The following PRKCI variants were observed in gnomAD, a reference collection of about 807,000 sequenced individuals.
The protein encoded by PRKCI is protein kinase C iota type.
In PRKCI, 43 loss-of-function variants were observed where a neutral mutation model predicts 84.0. That is an observed-to-expected ratio of 0.51 (90% CI 0.40 to 0.66). The LOEUF (loss-of-function observed/expected upper bound fraction) is 0.66. Ranked by LOEUF, PRKCI falls within the 30% of genes least tolerant of loss-of-function variation. The pLI is 0.00. For synonymous variants in PRKCI, 216 were observed against 234.4 expected (o/e 0.92, Z 0.72); for missense variants, 459 against 745.6 (o/e 0.62, Z 4.48).
intron 2 of PRKCI, among the ~76,000 whole-genome samples, chr3:170,242,902 G>A (rs140226107): frequency 6.6e-6 from 1 of 151,840 alleles, no homozygotes; most frequent in Non-Finnish European, 1.5e-5. Flanking sequence ...AACTCCAGAC[G>A]TCAGGTGATC....
At chr3:170,261,600 C>T (rs1254723138) in intron 3 of PRKCI, among the ~76,000 whole-genome samples, 2 of 152,104 alleles carry the variant, frequency 1.3e-5, no homozygotes, top group Admixed American at 1.3e-4. Flanking sequence ...TCTCATGCCT[C>T]AGCCTCCAAA....
intron 6 of PRKCI, among the ~76,000 whole-genome samples, chr3:170,270,961 G>C (rs1733987227): frequency 6.6e-6 from 1 of 152,050 alleles, no homozygotes; most frequent in African/African-American, 2.4e-5. Context: ...TATTTAAACT[G>C]TGAGATTACT....
intron 2 of PRKCI, among the ~76,000 whole-genome samples, chr3:170,254,594 GT>G (rs61434507): frequency 0.7 from 105,870 of 152,012 alleles, 38,082 homozygotes; most frequent in African/African-American, 0.88. Context: ...TTTCCCCAGT[GT>G]TATGTTCTTG....
At chr3:170,225,470 A>G (rs1732603939) in intron 1 of PRKCI, among the ~76,000 whole-genome samples, 1 of 152,230 alleles carries the variant, frequency 6.6e-6, no homozygotes, top group Non-Finnish European at 1.5e-5. Flanking sequence ...ATACCAAGAA[A>G]TGTGAGAACA....
Position 170,298,984 on chromosome 3 carries a change from T to C in PRKCI, c.1588-11T>C. On this transcript the variant is annotated splice_polypyrimidine_tract_variant and intron_variant, in intron 16 of 17. Transcript: ENST00000295797. Reference sequence around the variant, plus strand: ...TACAGACTTGAGCTGTCATCCAGTATGTCTTTTCAGATGGAGCAAAAACAG... The same window carrying C: ...TACAGACTTGAGCTGTCATCCAGTACGTCTTTTCAGATGGAGCAAAAACAG... The C allele has an allele frequency of 6.4e-7, 1 of 1,570,462 alleles. No homozygotes were observed. The highest frequency in any genetic ancestry group is 8.8e-7 in the Non-Finnish European group (1 of 1,141,850).
intron 1 of PRKCI, among the ~76,000 whole-genome samples, chr3:170,230,937 G>C: frequency 6.7e-6 from 1 of 149,714 alleles, no homozygotes; most frequent in South Asian, 2.1e-4. Context: ...GGAATGGCTT[G>C]ATTCATTATT....
At chr3:170,247,963 G>T (rs1436450033) in intron 2 of PRKCI, among the ~76,000 whole-genome samples, 2 of 152,102 alleles carry the variant, frequency 1.3e-5, no homozygotes, top group Non-Finnish European at 2.9e-5. Flanking sequence ...TTTACAGTAA[G>T]GGAGTACAGT....
At chr3:170,232,788 G>A (rs189899743) in intron 1 of PRKCI, among the ~76,000 whole-genome samples, 84 of 151,666 alleles carry the variant, frequency 5.5e-4, no homozygotes, top group African/African-American at 2.0e-3. Context: ...TGATCCTCCC[G>A]CCTCAGCATC....
intron 2 of PRKCI, among the ~76,000 whole-genome samples, chr3:170,254,187 A>G (rs1439246264): frequency 6.6e-6 from 1 of 151,078 alleles, no homozygotes; most frequent in Admixed American, 6.6e-5. Flanking sequence ...AGTTGTTTGA[A>G]CTCCTTGTCT....
rs371828176 is a variant in PRKCI at position 170,225,671 on chromosome 3, G to T, written c.101+2901G>T. On this transcript the variant is annotated intron_variant, in intron 1 of 17. Transcript: ENST00000295797. Reference sequence around the variant, plus strand: ...GATCCTCCTGCCTCAGCCTCTCAAAGTGCTGGGATTACAGGTGTGAGCCAC... The same window carrying T: ...GATCCTCCTGCCTCAGCCTCTCAAATTGCTGGGATTACAGGTGTGAGCCAC... 6.9e-4 allele frequency among the ~76,000 whole-genome samples: 105 copies of T among 151,246 alleles called. 1 individual carries two copies. In the East Asian group the frequency reaches 0.018, roughly 26 times the overall value.
intron 7 of PRKCI, among the ~76,000 whole-genome samples, chr3:170,273,669 G>C (rs1012103815): frequency 6.6e-6 from 1 of 151,430 alleles, no homozygotes; most frequent in Non-Finnish European, 1.5e-5. Flanking sequence ...ACAAAAATTA[G>C]CAGGGTGTGG....
chr3:170,284,740 G>A (rs1202944389), intron 12 of PRKCI, 144 bp downstream of exon 12: 3 of 1,054,976 alleles, frequency 2.8e-6, no homozygotes, highest in Non-Finnish European at 4.0e-6. Context: ...AAAGACAAAT[G>A]TACTTTTTTT....
intron 1 of PRKCI, among the ~76,000 whole-genome samples, chr3:170,231,421 G>A (rs781112136): frequency 4.6e-5 from 7 of 151,782 alleles, no homozygotes; most frequent in Non-Finnish European, 8.8e-5. Context: ...TCTGCAAGTA[G>A]CAATTTTGCC....
chr3:170,263,977 A>T (rs1481029521), intron 4 of PRKCI, among the ~76,000 whole-genome samples: 1 of 152,240 alleles, frequency 6.6e-6, no homozygotes, highest in African/African-American at 2.4e-5. Flanking sequence ...TATTAAGTTA[A>T]ATTTAAGTTT....
chr3:170,228,340 C>G (rs1479360689), intron 1 of PRKCI, among the ~76,000 whole-genome samples: 1 of 152,152 alleles, frequency 6.6e-6, no homozygotes. Context: ...TGGTTCATGC[C>G]TGTAATCCCA....
intron 1 of PRKCI, among the ~76,000 whole-genome samples, chr3:170,234,375 T>C (rs1427388875): frequency 1.3e-5 from 2 of 152,182 alleles, no homozygotes; most frequent in East Asian, 1.9e-4. Context: ...CTTAAAAGTA[T>C]TTGTATGTTC....
At position 170,273,313 on chromosome 3, in the gene PRKCI, T is replaced by C; in HGVS notation, c.619T>C (p.Ser207Pro). ...ACCAGTGATGCCCATGGATCAGTCA[T>C]CCATGCATTCTGACCATGCACAGAC... is the stretch of plus-strand genomic sequence containing the variant. ...QEPVMPMDQS[S>P]MHSDHAQTVI... Residue 207 changes from serine to proline, a missense_variant, in exon 7 of 18, where the codon TCC (serine) becomes CCC (proline). Around this residue, in one of 2 missense-constraint regions of PRKCI, gnomAD observed 250 missense variants for 319.7 expected, o/e 0.78. Transcript: ENST00000295797. 6.2e-7 allele frequency: 1 copy of C among 1,613,796 alleles called. No homozygotes were observed. Among genetic ancestry groups the C allele is most frequent in the Non-Finnish European group, 8.5e-7 (1 of 1,179,750 alleles).
chr3:170,252,051 T>C (rs1733463391), intron 2 of PRKCI, among the ~76,000 whole-genome samples: 1 of 152,022 alleles, frequency 6.6e-6, no homozygotes. Flanking sequence ...CTGTCTCTAC[T>C]AAAAATACAA....
chr3:170,237,086 T>G (rs1234645038), intron 2 of PRKCI, among the ~76,000 whole-genome samples: 1 of 152,004 alleles, frequency 6.6e-6, no homozygotes, highest in Admixed American at 6.5e-5. Context: ...TGTAACAGAG[T>G]AGAAGTTTTT....
Sources: gnomAD v4.1 joint callset for allele counts (sites outside exome capture counted in the v4.1 genomes callset) on GRCh38, gnomAD v4.1.1 for gene constraint, gnomAD v4.1.1 regional missense constraint, MANE v1.5 for transcripts, NCBI Gene and HGNC (gene_info 2026-07-23, HGNC 2026-07-21) for gene names.